VPS33B: variants seen among roughly 807,000 people sequenced by gnomAD.
The protein encoded by VPS33B is VPS33B late endosome and lysosome associated.
In VPS33B, 80 loss-of-function variants were observed where a neutral mutation model predicts 95.3. The observed-to-expected ratio is 0.84, with a 90% confidence interval of 0.70 to 1.01. The LOEUF is 1.01. Among genes scored for constraint, VPS33B ranks in the 50% least tolerant of loss-of-function variants. The pLI is 0.00. For synonymous variants in VPS33B, 280 were observed against 280.4 expected (o/e 1.00, Z 0.01); for missense variants, 715 against 773.4 (o/e 0.92, Z 0.90).
intron 1 of VPS33B, among the ~76,000 whole-genome samples, chr15:91,021,844 C>T (rs546568050): frequency 4.1e-4 from 62 of 152,346 alleles, no homozygotes; most frequent in African/African-American, 8.4e-4. Context: ...GTGCTTCATA[C>T]AGCTCCTACT....
At chr15:91,016,898 A>C (rs2040943478) in intron 3 of VPS33B, 65 bp downstream of exon 3, 1 of 1,488,830 alleles carries the variant, frequency 6.7e-7, no homozygotes. Flanking sequence ...GACAGATGAA[A>C]GGCAGACGTG....
chr15:91,007,318 A>AC lies in VPS33B; in HGVS notation c.603+150dup. 3 of 854,138 alleles carry AC rather than the reference A, an allele frequency of 3.5e-6. No individual in the cohort carries two copies. The highest frequency in any genetic ancestry group is 4.1e-5 in the Admixed American group (2 of 48,248). 52.9% of individuals were successfully genotyped at this position (854,138 alleles called of 1,614,324 possible). A position where few individuals can be genotyped will look rare whatever the true frequency, so the allele number is the denominator to read the frequency against. ...TGGCTTTTGCTTCTCTGTTAGCCAC[A>AC]CAAGTTCTCCTCTCTGAGGATCTAT... On this transcript the variant is annotated intron_variant, in intron 8 of 22. Transcript: ENST00000333371. This position sits in a 1 kb window ranked among gnomAD's most constrained non-coding sequence, Gnocchi z 5.3.
chr15:91,014,444 GAA>G lies in VPS33B; in HGVS notation c.240-13_240-12del, dbSNP rs111274092. ...ACCAAGAAGCACAATCTATGAGAGAGAAAGAAAAAAAAACAGTGAAGAAGAAT... is the reference window on the plus strand; with the variant it reads ...ACCAAGAAGCACAATCTATGAGAGAGAGAAAAAAAAACAGTGAAGAAGAAT... On this transcript the variant is annotated splice_polypyrimidine_tract_variant and intron_variant, in intron 3 of 22. Transcript: ENST00000333371. 0.086 allele frequency: 137,581 copies of G among 1,607,042 alleles called. 5,909 individuals are homozygous for G. Among genetic ancestry groups the G allele is most frequent in the Middle Eastern group, 0.13 (803 of 6,024 alleles).
rs759898070 is a variant in VPS33B at position 90,999,029 on chromosome 15, T to C, written c.1800A>G (p.Thr600=). 3.1e-6 allele frequency: 5 copies of C among 1,614,190 alleles called. No homozygotes were observed. The South Asian group carries it at 5.5e-5, about 18-fold the overall frequency. Residue 600 remains threonine (T), a synonymous_variant, in exon 23 of 23, where the codon ACA becomes ACG. Coordinates refer to ENST00000333371, the MANE Select transcript of VPS33B (RefSeq NM_018668.5). The surrounding 1 kb of genome is among the most constrained non-coding windows in gnomAD (Gnocchi z 5.1). The part of the protein sequence containing the change: ...EKGYRFIFLT[T]AVTNSARLME... ...TAAGGCGAGCGCTGTTTGTGACTGC[T>C]GTCGTCAGGAAAATGAACCTGTAGC...
At chr15:91,014,757 G>A (rs1289055905) in intron 3 of VPS33B, among the ~76,000 whole-genome samples, 1 of 152,100 alleles carries the variant, frequency 6.6e-6, no homozygotes, top group African/African-American at 2.4e-5. Flanking sequence ...AACAATATAA[G>A]AATACCCCAT....
chr15:91,018,016 A>G lies in VPS33B; in HGVS notation c.97-131T>C. 2 of 789,452 alleles carry G rather than the reference A, an allele frequency of 2.5e-6. No homozygotes were observed. Among genetic ancestry groups the G allele is most frequent in the Non-Finnish European group, 4.4e-6 (2 of 455,080 alleles). The allele number at this position is 789,452 out of a possible 1,614,324, so 48.9% of individuals were successfully genotyped here. A position where few individuals can be genotyped will look rare whatever the true frequency, so the allele number is the denominator to read the frequency against. ...GGCACTAAGTATCGTCTAGCCCGTCACCTTATTTATTATCTGTATCCACAG... is the reference window on the plus strand; with the variant it reads ...GGCACTAAGTATCGTCTAGCCCGTCGCCTTATTTATTATCTGTATCCACAG... On this transcript the variant is annotated intron_variant, in intron 1 of 22. Transcript: ENST00000333371. The surrounding 1 kb of genome is among the most constrained non-coding windows in gnomAD (Gnocchi z 4.7).
rs779152308 is a variant in VPS33B, at chr15:91,022,176, T to C, written c.74A>G (p.Gln25Arg). 4.0e-5 allele frequency: 63 copies of C among 1,569,020 alleles called. No individual in the cohort carries two copies. Among genetic ancestry groups the C allele is most frequent in the Non-Finnish European group, 4.8e-5 (55 of 1,156,088 alleles). ...GACCTGCTCCAGCAGATAGATGAGCTGGTCTCGAGCCAGCCTCTTCAGCAT... is the reference window on the plus strand; with the variant it reads ...GACCTGCTCCAGCAGATAGATGAGCCGGTCTCGAGCCAGCCTCTTCAGCAT... ...FSMLKRLARD[Q>R]LIYLLEQLPG... Residue 25 changes from glutamine (Q) to arginine (R), a missense_variant, in exon 1 of 23, where the codon CAG (glutamine) becomes CGG (arginine). Coordinates refer to ENST00000333371, the MANE Select transcript of VPS33B (RefSeq NM_018668.5).
chr15:91,000,846 A>G lies in VPS33B; in HGVS notation c.1480-255T>C, dbSNP rs12899811. The G allele has an allele frequency of 0.43, 202,932 of 474,092 alleles. 51,610 individuals carry two copies. The highest frequency in any genetic ancestry group is 0.98 in the East Asian group (23,418 of 23,954). 29.4% of individuals were successfully genotyped at this position (474,092 alleles called of 1,614,324 possible). A position where few individuals can be genotyped will look rare whatever the true frequency, so the allele number is the denominator to read the frequency against. ...TGGAGGGATGGCTTCTCCTTTCCCT[A>G]CCCTTAAGTGACACAGGATATGGTT... On this transcript the variant is annotated intron_variant, in intron 19 of 22. Coordinates refer to ENST00000333371, the MANE Select transcript of VPS33B (RefSeq NM_018668.5). The surrounding 1 kb of genome is among the most constrained non-coding windows in gnomAD (Gnocchi z 4.9).
chr15:91,018,098 A>G lies in VPS33B; in HGVS notation c.97-213T>C, dbSNP rs2040995756. The G allele has an allele frequency of 7.0e-6, 4 of 568,494 alleles. No homozygotes were observed. In the South Asian group the frequency reaches 7.5e-5, roughly 11 times the overall value. The allele number at this position is 568,494 out of a possible 1,614,324, so 35.2% of individuals were successfully genotyped here. A position where few individuals can be genotyped will look rare whatever the true frequency, so the allele number is the denominator to read the frequency against. On this transcript the variant is annotated intron_variant, in intron 1 of 22. Transcript: ENST00000333371. The surrounding 1 kb of genome is among the most constrained non-coding windows in gnomAD (Gnocchi z 4.7). ...CCTTCTCGTTTTCTGTACCAGTGGG[A>G]AGAAGACATCCCACCTTCTTTCTCA...
In VPS33B at chr15:90,999,039, A is replaced by G; in HGVS notation, c.1790T>C (p.Phe597Ser). The change falls in exon 23 of 23, where the codon TTC (phenylalanine) becomes TCC (serine). Residue 597 changes from phenylalanine (F) to serine (S), a missense_variant. Transcript: ENST00000333371. The surrounding 1 kb of genome is among the most constrained non-coding windows in gnomAD (Gnocchi z 5.1). ...LGREKGYRFI[F>S]LTTAVTNSAR... ...GCTGTTTGTGACTGCTGTCGTCAGGAAAATGAACCTGTAGCCTAAGGAGTC... is the reference window on the plus strand; with the variant it reads ...GCTGTTTGTGACTGCTGTCGTCAGGGAAATGAACCTGTAGCCTAAGGAGTC... The G allele has an allele frequency of 6.2e-7, 1 of 1,614,188 alleles. No homozygotes were observed. Among genetic ancestry groups the G allele is most frequent in the Non-Finnish European group, 8.5e-7 (1 of 1,180,040 alleles).
At chr15:91,008,768 G>A (rs191931605) in intron 6 of VPS33B, among the ~76,000 whole-genome samples, 94 of 152,246 alleles carry the variant, frequency 6.2e-4, no homozygotes, top group Admixed American at 6.1e-3. Context: ...AGCAAGCTGT[G>A]AGCACATATA....
chr15:91,021,026 C>T (rs1328550470), intron 1 of VPS33B, among the ~76,000 whole-genome samples: 10 of 152,168 alleles, frequency 6.6e-5, no homozygotes, highest in African/African-American at 9.7e-5. Flanking sequence ...ATATTTCTTA[C>T]GGGCATCTTA....
chr15:91,003,541 G>C (rs1191525752), intron 16 of VPS33B, among the ~76,000 whole-genome samples: 1 of 152,168 alleles, frequency 6.6e-6, no homozygotes, highest in Non-Finnish European at 1.5e-5. Flanking sequence ...CCGGGTTCAA[G>C]CCATTCTCCT....
At position 91,000,636 on chromosome 15, in the gene VPS33B, C is replaced by A. The variant is rs775586418; in HGVS notation, c.1480-45G>T. ...CATTAGGCAAGTGACAGCTCAGCTC[C>A]CTAACCCTTTAAAGGGTCAGATAAA... On this transcript the variant is annotated intron_variant, in intron 19 of 22. Transcript: ENST00000333371. The surrounding 1 kb of genome is among the most constrained non-coding windows in gnomAD (Gnocchi z 4.9). 1 of 1,564,496 alleles carries A rather than the reference C, an allele frequency of 6.4e-7. No individual in the cohort carries two copies. The highest frequency in any genetic ancestry group is 1.7e-5 in the Admixed American group (1 of 59,186).
intron 16 of VPS33B, 145 bp downstream of exon 16, chr15:91,004,732 A>C: frequency 9.6e-7 from 1 of 1,041,360 alleles, no homozygotes. Flanking sequence ...GTGATAATTC[A>C]CCCCAAACAA....
chr15:90,999,640 A>G lies in VPS33B; in HGVS notation c.1774+37T>C, dbSNP rs1174701110. On this transcript the variant is annotated intron_variant, in intron 22 of 22. Coordinates refer to ENST00000333371, the MANE Select transcript of VPS33B (RefSeq NM_018668.5). The surrounding 1 kb of genome is among the most constrained non-coding windows in gnomAD (Gnocchi z 5.1). ...AGCTGACACTTTGTTACCCAGATAC[A>G]ATGCAGGCCAATTCTCACCTTTCTG... 4 of 1,605,464 alleles carry G rather than the reference A, an allele frequency of 2.5e-6. No homozygotes were observed. Among genetic ancestry groups the G allele is most frequent in the Admixed American group, 3.3e-5 (2 of 59,968 alleles).
In VPS33B at chr15:91,006,578, C is replaced by G. The variant is rs2040610991; in HGVS notation, c.778+74G>C. 6.2e-7 allele frequency: 1 copy of G among 1,610,036 alleles called. No homozygotes were observed. Among genetic ancestry groups the G allele is most frequent in the Non-Finnish European group, 8.5e-7 (1 of 1,176,258 alleles). On this transcript the variant is annotated intron_variant, in intron 10 of 22. Coordinates refer to ENST00000333371, the MANE Select transcript of VPS33B (RefSeq NM_018668.5). The surrounding 1 kb of genome is among the most constrained non-coding windows in gnomAD (Gnocchi z 5.4). ...CAGGGTCTGGGTCTCTCCCACAAAC[C>G]CTGCCCCACGTGGGAGGTGCCAAGG...
In VPS33B at chr15:91,002,556, G is replaced by C. The variant is rs1182848493; in HGVS notation, c.1273-374C>G. On this transcript the variant is annotated intron_variant, in intron 17 of 22. Transcript: ENST00000333371. The surrounding 1 kb of genome is among the most constrained non-coding windows in gnomAD (Gnocchi z 4.7). The stretch of plus-strand genomic sequence containing the variant: ...TGAGGCACAGAAATGCTTGAACCTA[G>C]GAGGCAGAGGCTGCAGTGAGTGGAG... Among the ~76,000 whole-genome samples, 2 of 151,656 alleles carry C rather than the reference G, an allele frequency of 1.3e-5. No individual in the cohort carries two copies. The highest frequency in any genetic ancestry group is 3.9e-4 in the East Asian group (2 of 5,170).
Position 91,005,780 on chromosome 15 carries a change from C to T in VPS33B, c.944G>A (p.Arg315Gln), listed in dbSNP as rs145303578. The change falls in exon 13 of 23, where the codon CGG becomes CAG. Residue 315 changes from arginine to glutamine, a missense_variant. Physicochemically the swap from Arg to Gln is conservative, Grantham distance 43. Transcript: ENST00000333371. The surrounding 1 kb of genome is among the most constrained non-coding windows in gnomAD (Gnocchi z 6.4). ...ARNLQAQYDRRRGMDIKQMKN... is the reference protein window; with the variant it reads ...ARNLQAQYDRQRGMDIKQMKN... ...CATCTGCTTAATGTCCATGCCTCTC[C>T]GGCGCTGTGGGAAAATTCCCAAAGG... is the stretch of plus-strand genomic sequence containing the variant. 2,134 of 1,614,052 alleles carry T rather than the reference C, an allele frequency of 1.3e-3. 4 individuals carry two copies. The highest frequency in any genetic ancestry group is 1.5e-3 in the Non-Finnish European group (1,725 of 1,180,044).
Sources: allele counts gnomAD v4.1 joint callset (sites outside exome capture counted in the v4.1 genomes callset), GRCh38; gene constraint gnomAD v4.1.1; non-coding constraint Gnocchi (gnomAD v3.1); transcripts MANE v1.5; gene names NCBI Gene and HGNC (gene_info 2026-07-23, HGNC 2026-07-21).